The following NELL2 variants were observed in gnomAD, a reference collection of about 807,000 sequenced individuals.
NELL2 encodes the protein neural EGFL like 2.
A neutral mutation model predicts 109.6 loss-of-function variants in NELL2; 41 were observed. The ratio of observed to expected loss-of-function variants is 0.37; its 90% confidence interval spans 0.29 to 0.49. The LOEUF (loss-of-function observed/expected upper bound fraction) is 0.49, where lower values mean the gene tolerates loss of function less well. NELL2 is among the 20% of genes least tolerant of loss of function. The probability of loss-of-function intolerance (pLI) is 0.98; values close to 1 mark genes in which losing one functional copy is unlikely to be tolerated. For missense variants in NELL2, 900 were observed against 1,008.3 expected (o/e 0.89, Z 1.45); for synonymous variants, 355 against 344.7 (o/e 1.03, Z -0.33).
chr12:44,667,817 T>C (rs536052050), intron 12 of NELL2, among the ~76,000 whole-genome samples: 1 of 152,198 alleles, frequency 6.6e-6, no homozygotes, highest in South Asian at 2.1e-4. Context: ...GAAAGGTAAG[T>C]GAAAGATCTG....
chr12:44,707,180 A>G (rs576304714), intron 11 of NELL2, among the ~76,000 whole-genome samples: 1 of 152,286 alleles, frequency 6.6e-6, no homozygotes, highest in African/African-American at 2.4e-5. Flanking sequence ...CACAGGATAG[A>G]GTCACACCAG....
chr12:44,841,769 G>C (rs111318630), intron 2 of NELL2, among the ~76,000 whole-genome samples: 28 of 152,172 alleles, frequency 1.8e-4, no homozygotes, highest in African/African-American at 6.0e-4. Context: ...ACAGTGCTGG[G>C]AGACACTGGA....
chr12:44,910,336 T>C (rs540332037), intron 1 of NELL2, among the ~76,000 whole-genome samples: 1 of 151,818 alleles, frequency 6.6e-6, no homozygotes, highest in East Asian at 1.9e-4. Flanking sequence ...TCAAAAGACA[T>C]ACATGTGGCC....
rs576770146 is a variant in NELL2 at position 44,661,040 on chromosome 12, G to A, written c.1444+4444C>T. ...AACTGAATGCAGATGCCAGGGAGAA[G>A]CAACTTCCCTGGCATGTGCATTAAG... On this transcript the variant is annotated intron_variant, in intron 13 of 19. Coordinates refer to ENST00000429094, the MANE Select transcript of NELL2 (RefSeq NM_001145108.2). Among the ~76,000 whole-genome samples the A allele has an allele frequency of 4.6e-5, 7 of 152,314 alleles. No homozygotes were observed. The South Asian group carries it at 1.5e-3, about 32-fold the overall frequency.
At chr12:44,555,761 G>A (rs1592111624) in intron 15 of NELL2, among the ~76,000 whole-genome samples, 1 of 152,198 alleles carries the variant, frequency 6.6e-6, no homozygotes, top group Non-Finnish European at 1.5e-5. Context: ...CTGAGTTTCT[G>A]AAAAGGCCAT....
chr12:44,712,541 G>A (rs542614035), intron 10 of NELL2, among the ~76,000 whole-genome samples: 8 of 151,942 alleles, frequency 5.3e-5, no homozygotes, highest in Non-Finnish European at 1.2e-4. Context: ...GAACAAACAG[G>A]GACTCGAATT....
intron 15 of NELL2, among the ~76,000 whole-genome samples, chr12:44,538,311 T>C (rs1335967800): frequency 6.6e-6 from 1 of 152,190 alleles, no homozygotes; most frequent in Non-Finnish European, 1.5e-5. Context: ...GGAATAATAC[T>C]TTCCCTCTTC....
At chr12:44,883,577 C>T (rs1008741117) in intron 1 of NELL2, among the ~76,000 whole-genome samples, 3 of 152,010 alleles carry the variant, frequency 2.0e-5, no homozygotes, top group Non-Finnish European at 2.9e-5. Flanking sequence ...TTTGGGACTC[C>T]ATTCTCCTGG....
At chr12:44,883,744 T>C (rs1407054942) in intron 1 of NELL2, among the ~76,000 whole-genome samples, 1 of 152,054 alleles carries the variant, frequency 6.6e-6, no homozygotes, top group African/African-American at 2.4e-5. Context: ...TAATAACATA[T>C]GAACTCTAAG....
At chr12:44,649,218 CTCCCTCCT>C (rs1430597573) in intron 13 of NELL2, among the ~76,000 whole-genome samples, 1 of 151,876 alleles carries the variant, frequency 6.6e-6, no homozygotes, top group Non-Finnish European at 1.5e-5. Flanking sequence ...CCCTCCCTCC[CTCCCTCCT>C]TCCCTCCTTC....
chr12:44,703,849 C>A lies in NELL2; in HGVS notation c.1195G>T (p.Asp399Tyr). 6.2e-7 allele frequency: 1 copy of A among 1,607,040 alleles called. No homozygotes were observed. The highest frequency in any genetic ancestry group is 1.1e-5 in the South Asian group (1 of 89,974). ...CAGTTATGCCTTTCAGAACAAAAGT[C>A]ATAACCTACAGAAAAAAAAAGAAAT... is the stretch of plus-strand genomic sequence containing the variant. ...HSCCKVCKGY[D>Y]FCSERHNCME... Residue 399 changes from aspartate (D) to tyrosine (Y), a missense_variant, in exon 12 of 20, where the codon GAC becomes TAC. Asp to Tyr is a radical substitution (Grantham distance 160, BLOSUM62 -3). Coordinates refer to ENST00000429094, the MANE Select transcript of NELL2 (RefSeq NM_001145108.2).
chr12:44,653,411 A>G (rs1326617162), intron 13 of NELL2, among the ~76,000 whole-genome samples: 2 of 152,160 alleles, frequency 1.3e-5, no homozygotes, highest in South Asian at 4.1e-4. Flanking sequence ...AAATGCCACA[A>G]AATGATCCTG....
intron 15 of NELL2, among the ~76,000 whole-genome samples, chr12:44,585,243 A>G (rs1277540589): frequency 6.6e-6 from 1 of 152,230 alleles, no homozygotes; most frequent in Non-Finnish European, 1.5e-5. Context: ...AAAAATATAC[A>G]TATGAGGATT....
intron 3 of NELL2, among the ~76,000 whole-genome samples, chr12:44,791,082 C>CATATAT (rs55697809): frequency 1.2e-4 from 6 of 52,008 alleles, no homozygotes; most frequent in South Asian, 7.0e-4. Flanking sequence ...TATATATATA[C>CATATAT]ATATATATAT....
upstream of NELL2, among the ~76,000 whole-genome samples, chr12:44,917,768 C>G (rs1321497320): frequency 6.6e-6 from 1 of 152,174 alleles, no homozygotes; most frequent in African/African-American, 2.4e-5. Context: ...TCAAGAGAGA[C>G]TGTCCTGTGG....
chr12:44,637,376 G>A (rs985234932), intron 13 of NELL2, among the ~76,000 whole-genome samples: 9 of 150,358 alleles, frequency 6.0e-5, no homozygotes, highest in Non-Finnish European at 1.0e-4. Context: ...TATGCTACAC[G>A]TTGGTTACAG....
chr12:44,541,585 G>GA (rs1942574260), intron 15 of NELL2, among the ~76,000 whole-genome samples: 1 of 152,084 alleles, frequency 6.6e-6, no homozygotes, highest in Admixed American at 6.6e-5. Context: ...TTCAGCTTCT[G>GA]ATTAAAGAGA....
chr12:44,810,444 C>T (rs987870138), intron 3 of NELL2, among the ~76,000 whole-genome samples: 1 of 152,094 alleles, frequency 6.6e-6, no homozygotes, highest in Non-Finnish European at 1.5e-5. Context: ...TCTCTGTTCT[C>T]TAGAGACCCA....
intron 2 of NELL2, among the ~76,000 whole-genome samples, chr12:44,853,526 T>C (rs1272116462): frequency 6.6e-6 from 1 of 152,140 alleles, no homozygotes; most frequent in African/African-American, 2.4e-5. Context: ...AAAATCCCTC[T>C]TTTCATTTGA....
Sources: gnomAD v4.1 joint callset for allele counts (sites outside exome capture counted in the v4.1 genomes callset) on GRCh38, gnomAD v4.1.1 for gene constraint, MANE v1.5 for transcripts, NCBI Gene and HGNC (gene_info 2026-07-23, HGNC 2026-07-21) for gene names.